The following CCDC85A variants were observed in gnomAD, a reference collection of about 807,000 sequenced individuals.
CCDC85A encodes the protein coiled-coil domain-containing protein 85A.
In CCDC85A, 38 loss-of-function variants were observed where a neutral mutation model predicts 50.2. The observed-to-expected ratio is 0.76, with a 90% CI of 0.58 to 0.99. CCDC85A has a LOEUF of 0.99. Among genes scored for constraint, CCDC85A ranks in the 50% least tolerant of loss-of-function variants. The pLI is 0.00. For synonymous variants in CCDC85A, 366 were observed against 301.4 expected, an observed-to-expected ratio of 1.21 and a Z score of -2.22; for missense variants, 820 against 742.0, an observed-to-expected ratio of 1.11 and a Z score of -1.22.
chr2:56,246,558 T>C (rs940281130), intron 2 of CCDC85A, among the ~76,000 whole-genome samples: 7 of 152,216 alleles, frequency 4.6e-5, no homozygotes, highest in Admixed American at 1.3e-4. Context: ...TGGTATGAGG[T>C]AGAGTTCCAA....
chr2:56,353,488 AC>A (rs1162997317), intron 3 of CCDC85A, among the ~76,000 whole-genome samples: 2 of 152,242 alleles, frequency 1.3e-5, no homozygotes, highest in African/African-American at 4.8e-5. Context: ...ACATTCTGAG[AC>A]CAGGTGTAAA....
At chr2:56,200,723 T>G (rs1676698234) in intron 2 of CCDC85A, among the ~76,000 whole-genome samples, 1 of 152,188 alleles carries the variant, frequency 6.6e-6, no homozygotes, top group Non-Finnish European at 1.5e-5. Context: ...TGGTTTGTTG[T>G]TCCAAAGATA....
intron 2 of CCDC85A, among the ~76,000 whole-genome samples, chr2:56,333,344 A>G (rs1225499960): frequency 6.6e-6 from 1 of 152,178 alleles, no homozygotes; most frequent in Non-Finnish European, 1.5e-5. Context: ...GGAAGAGGGT[A>G]CAACTAAGGC....
intron 2 of CCDC85A, among the ~76,000 whole-genome samples, chr2:56,320,040 TG>T (rs1483260930): frequency 6.6e-6 from 1 of 152,150 alleles, no homozygotes; most frequent in Admixed American, 6.6e-5. Context: ...GAATGACTAC[TG>T]GGTACATAAC....
At chr2:56,216,628 T>G (rs1677404849) in intron 2 of CCDC85A, among the ~76,000 whole-genome samples, 1 of 151,796 alleles carries the variant, frequency 6.6e-6, no homozygotes, top group South Asian at 2.1e-4. Flanking sequence ...GATTTTGAGT[T>G]CAGTTGTATT....
At chr2:56,251,503 T>C (rs1669755270) in intron 2 of CCDC85A, among the ~76,000 whole-genome samples, 1 of 152,340 alleles carries the variant, frequency 6.6e-6, no homozygotes, top group Admixed American at 6.5e-5. Context: ...TGTTTCTTTT[T>C]CCTTCTCTAT....
chr2:56,268,477 C>G (rs1030619743), intron 2 of CCDC85A, among the ~76,000 whole-genome samples: 1 of 151,824 alleles, frequency 6.6e-6, no homozygotes, highest in African/African-American at 2.4e-5. Context: ...CGCCTGTAGT[C>G]CCAGCTACTT....
At chr2:56,186,699 T>A (rs183627244) in intron 1 of CCDC85A, among the ~76,000 whole-genome samples, 73 of 152,338 alleles carry the variant, frequency 4.8e-4, no homozygotes, top group African/African-American at 1.7e-3. Flanking sequence ...ACTTGAAAGT[T>A]CCTTTAGGTT....
chr2:56,316,317 T>C (rs536442846), intron 2 of CCDC85A, among the ~76,000 whole-genome samples: 9 of 152,150 alleles, frequency 5.9e-5, no homozygotes, highest in Non-Finnish European at 1.3e-4. Flanking sequence ...AGTGGAAAAC[T>C]GATTTATATC....
intron 2 of CCDC85A, among the ~76,000 whole-genome samples, chr2:56,313,864 C>G (rs1054582678): frequency 6.6e-6 from 1 of 151,872 alleles, no homozygotes; most frequent in African/African-American, 2.4e-5. Context: ...TCAGCAGAAG[C>G]TATAAGAGGC....
intron 3 of CCDC85A, among the ~76,000 whole-genome samples, chr2:56,363,060 A>G (rs934103639): frequency 1.3e-5 from 2 of 152,168 alleles, no homozygotes; most frequent in African/African-American, 4.8e-5. Flanking sequence ...GATTCAGTTA[A>G]ATGAGTGTAT....
At chr2:56,290,753 T>C (rs577392475) in intron 2 of CCDC85A, among the ~76,000 whole-genome samples, 71 of 152,366 alleles carry the variant, frequency 4.7e-4, no homozygotes, top group African/African-American at 1.5e-3. Flanking sequence ...TTTGGCACTT[T>C]CCTCTATACA....
intron 2 of CCDC85A, among the ~76,000 whole-genome samples, chr2:56,258,048 T>G (rs1573115399): frequency 1.3e-5 from 2 of 152,354 alleles, no homozygotes; most frequent in East Asian, 3.9e-4. Flanking sequence ...TTATCAGAGA[T>G]GTTCTCCTTT....
chr2:56,204,572 AAGG>A (rs1676884489), intron 2 of CCDC85A, among the ~76,000 whole-genome samples: 2 of 152,222 alleles, frequency 1.3e-5, no homozygotes, highest in African/African-American at 4.8e-5. Flanking sequence ...GAAAGGAAGA[AAGG>A]AGATTAATCT....
Position 56,341,989 on chromosome 2 carries a change from G to GT in CCDC85A, c.1241-879dup, listed in dbSNP as rs60272480. On this transcript the variant is annotated intron_variant, in intron 2 of 5. Coordinates refer to ENST00000407595, the MANE Select transcript of CCDC85A (RefSeq NM_001080433.2). ...TTTGAAAAATTTTGTTTTATTTTCT[G>GT]TTTTTTTTTTTAATGTAGCTTTGTA... Among the ~76,000 whole-genome samples the GT allele has an allele frequency of 6.5e-3, 945 of 145,558 alleles. 9 individuals carry two copies. The highest frequency in any genetic ancestry group is 0.015 in the South Asian group (68 of 4,630).
intron 1 of CCDC85A, among the ~76,000 whole-genome samples, chr2:56,191,110 G>A (rs1676278780): frequency 6.6e-6 from 1 of 152,146 alleles, no homozygotes; most frequent in African/African-American, 2.4e-5. Flanking sequence ...CTCCCTGCCT[G>A]GGATCATCTT....
At chr2:56,361,195 A>C (rs1326164234) in intron 3 of CCDC85A, among the ~76,000 whole-genome samples, 1 of 152,054 alleles carries the variant, frequency 6.6e-6, no homozygotes, top group Non-Finnish European at 1.5e-5. Flanking sequence ...CGGAGCTTGC[A>C]GTGAGCGGAG....
intron 3 of CCDC85A, among the ~76,000 whole-genome samples, chr2:56,362,629 T>C (rs1675589452): frequency 6.6e-6 from 1 of 151,928 alleles, no homozygotes; most frequent in Admixed American, 6.6e-5. Flanking sequence ...GAAGTCTCGC[T>C]CTGTTGCCCA....
intron 2 of CCDC85A, among the ~76,000 whole-genome samples, chr2:56,244,934 A>G (rs1459101389): frequency 3.3e-5 from 5 of 151,994 alleles, no homozygotes; most frequent in African/African-American, 7.2e-5. Flanking sequence ...CTGAGCTGGT[A>G]TCCAACTTTC....
Sources: gnomAD v4.1 joint callset for allele counts (sites outside exome capture counted in the v4.1 genomes callset) on GRCh38, gnomAD v4.1.1 for gene constraint, MANE v1.5 for transcripts, NCBI Gene and HGNC (gene_info 2026-07-23, HGNC 2026-07-21) for gene names.